Variants in COL24A1 observed in about 807,000 individuals in gnomAD.
COL24A1 encodes the protein collagen type XXIV alpha 1 chain.
Under a neutral mutation model 253.9 loss-of-function variants are expected in COL24A1, and 224 were observed. The ratio of observed to expected loss-of-function variants is 0.88; its 90% confidence interval spans 0.79 to 0.99. The LOEUF (loss-of-function observed/expected upper bound fraction) is 0.99. Among genes scored for constraint, COL24A1 ranks in the 50% least tolerant of loss-of-function variants. The pLI, the probability that COL24A1 is intolerant of heterozygous loss-of-function variation, is 0.00. For missense variants in COL24A1, 2,131 were observed against 2,068.5 expected, an observed-to-expected ratio of 1.03 and a Z score of -0.59; for synonymous variants, 685 against 673.7, an observed-to-expected ratio of 1.02 and a Z score of -0.26.
intron 20 of COL24A1, among the ~76,000 whole-genome samples, chr1:85,973,279 C>G (rs1199414495): frequency 1.3e-5 from 2 of 151,952 alleles, no homozygotes; most frequent in East Asian, 3.9e-4. Context: ...ATATTAGGCC[C>G]TAAGTATATA....
intron 31 of COL24A1, among the ~76,000 whole-genome samples, chr1:85,894,993 T>C (rs930146940): frequency 5.9e-5 from 9 of 152,270 alleles, no homozygotes; most frequent in African/African-American, 2.2e-4. Context: ...ATATTATCTA[T>C]TTTTATAACT....
intron 43 of COL24A1, among the ~76,000 whole-genome samples, chr1:85,826,764 C>T (rs1295404226): frequency 2.1e-4 from 32 of 151,592 alleles, no homozygotes; most frequent in African/African-American, 6.3e-4. Context: ...GTGATTTTTG[C>T]ACATTGATTT....
intron 12 of COL24A1, among the ~76,000 whole-genome samples, chr1:86,034,706 T>C (rs1198477282): frequency 6.6e-6 from 1 of 152,140 alleles, no homozygotes; most frequent in Non-Finnish European, 1.5e-5. Context: ...CTATTGAGAA[T>C]TCTGCATGGT....
chr1:85,825,202 C>T (rs1428844608), intron 43 of COL24A1, among the ~76,000 whole-genome samples: 3 of 151,560 alleles, frequency 2.0e-5, no homozygotes, highest in Non-Finnish European at 4.4e-5. Context: ...CGATAGCTGA[C>T]TGAGAATGAT....
intron 2 of COL24A1, among the ~76,000 whole-genome samples, 181 bp downstream of exon 2, chr1:86,145,938 A>G (rs1018028263): frequency 2.0e-5 from 3 of 152,010 alleles, no homozygotes; most frequent in African/African-American, 7.2e-5. Flanking sequence ...GTAATTTCTT[A>G]AAGGTCGTAT....
intron 55 of COL24A1, among the ~76,000 whole-genome samples, chr1:85,755,568 CCTT>C (rs1348457752): frequency 6.6e-6 from 1 of 151,966 alleles, no homozygotes; most frequent in African/African-American, 2.4e-5. Context: ...CAGAAATAAA[CCTT>C]CTCATTTATG....
At chr1:85,844,670 GA>G (rs1278338654) in intron 39 of COL24A1, among the ~76,000 whole-genome samples, 3 of 150,558 alleles carry the variant, frequency 2.0e-5, no homozygotes, top group Non-Finnish European at 4.4e-5. Context: ...ATAACCAAAG[GA>G]AAAAAAATTA....
chr1:86,085,750 A>T (rs932859086), intron 7 of COL24A1, among the ~76,000 whole-genome samples: 1 of 152,210 alleles, frequency 6.6e-6, no homozygotes, highest in Non-Finnish European at 1.5e-5. Flanking sequence ...GTTCCTAGTA[A>T]AATAAGAGTT....
At chr1:85,979,054 A>T (rs956163493) in intron 20 of COL24A1, among the ~76,000 whole-genome samples, 1 of 152,158 alleles carries the variant, frequency 6.6e-6, no homozygotes, top group Non-Finnish European at 1.5e-5. Context: ...AACCATACAA[A>T]CACATGAAAA....
chr1:85,820,521 T>A (rs897063693), intron 45 of COL24A1, among the ~76,000 whole-genome samples: 5 of 152,120 alleles, frequency 3.3e-5, no homozygotes, highest in Non-Finnish European at 5.9e-5. Flanking sequence ...GGTGAGACAA[T>A]AGCAACTGTG....
chr1:85,981,123 C>T (rs528365247), intron 20 of COL24A1, among the ~76,000 whole-genome samples: 9 of 152,168 alleles, frequency 5.9e-5, no homozygotes, highest in Non-Finnish European at 1.3e-4. Context: ...ATACCATCAT[C>T]ATTCTTCATG....
intron 55 of COL24A1, among the ~76,000 whole-genome samples, chr1:85,760,336 T>C (rs543569608): frequency 1.3e-4 from 20 of 152,282 alleles, no homozygotes; most frequent in Admixed American, 1.0e-3. Flanking sequence ...CAAGCCACCA[T>C]GCCCGGCCGA....
chr1:85,799,848 G>C (rs1671248493), intron 47 of COL24A1, among the ~76,000 whole-genome samples: 2 of 152,192 alleles, frequency 1.3e-5, no homozygotes, highest in Admixed American at 1.3e-4. Flanking sequence ...ATGCTAAAAA[G>C]TAGCAGATGA....
At chr1:86,135,050 A>G (rs1649994737) in intron 2 of COL24A1, among the ~76,000 whole-genome samples, 1 of 151,876 alleles carries the variant, frequency 6.6e-6, no homozygotes. Flanking sequence ...GGGTGTATGT[A>G]TATTTAGGAG....
rs186258464 is a variant in COL24A1 at position 85,993,405 on chromosome 1, G to A, written c.2311-5751C>T. On this transcript the variant is annotated intron_variant, in intron 19 of 59. Transcript: ENST00000370571. The stretch of plus-strand genomic sequence containing the variant: ...ACAGCCTAGATGTGGCAACCTAGAC[G>A]AATCTCAAATGTCTTATGCTAAGTG... Among the ~76,000 whole-genome samples the A allele has an allele frequency of 1.2e-3, 176 of 150,366 alleles. 1 individual carries two copies. Among genetic ancestry groups the A allele is most frequent in the Admixed American group, 2.1e-3 (32 of 15,108 alleles).
intron 35 of COL24A1, among the ~76,000 whole-genome samples, chr1:85,870,215 C>A (rs1040968828): frequency 1.3e-5 from 2 of 152,158 alleles, no homozygotes; most frequent in Non-Finnish European, 2.9e-5. Flanking sequence ...CAGAGACCTA[C>A]AAAGAGACTT....
chr1:85,769,470 T>C (rs764801945), intron 53 of COL24A1, among the ~76,000 whole-genome samples: 26 of 151,740 alleles, frequency 1.7e-4, no homozygotes, highest in Admixed American at 6.6e-5. Flanking sequence ...TCCTGAGGGC[T>C]AGGTATTATG....
chr1:85,901,234 T>C (rs1187118260), intron 28 of COL24A1, among the ~76,000 whole-genome samples: 1 of 151,880 alleles, frequency 6.6e-6, no homozygotes, highest in Non-Finnish European at 1.5e-5. Flanking sequence ...CTATTAAAAA[T>C]TGGGGAAAGA....
intron 37 of COL24A1, among the ~76,000 whole-genome samples, chr1:85,860,097 G>T (rs967461888): frequency 6.6e-6 from 1 of 152,138 alleles, no homozygotes. Flanking sequence ...TAGCTATTTT[G>T]TCTCAGAAGT....
Sources: allele counts gnomAD v4.1 joint callset (sites outside exome capture counted in the v4.1 genomes callset), GRCh38; gene constraint gnomAD v4.1.1; transcripts MANE v1.5; gene names NCBI Gene and HGNC (gene_info 2026-07-23, HGNC 2026-07-21).